The following GOLM2 variants were observed in gnomAD, a reference collection of about 807,000 sequenced individuals.
GOLM2 encodes protein GOLM2.
GOLM2 carries 26 observed loss-of-function variants against 55.9 expected under a neutral mutation model. That is an observed-to-expected ratio of 0.47 (90% CI 0.34 to 0.65). The LOEUF is 0.65. GOLM2 is among the 30% of genes least tolerant of loss of function. The probability of loss-of-function intolerance (pLI) is 0.01; values close to 1 mark genes in which losing one functional copy is unlikely to be tolerated. For synonymous variants in GOLM2, 165 were observed against 194.6 expected (o/e 0.85, Z 1.27); for missense variants, 486 against 531.8 (o/e 0.91, Z 0.85).
chr15:44,329,725 C>A (rs945649252), intron 3 of GOLM2, among the ~76,000 whole-genome samples: 3 of 151,704 alleles, frequency 2.0e-5, no homozygotes, highest in East Asian at 3.9e-4. Flanking sequence ...ATAGTGAGAC[C>A]TCTGTCTCTG....
At chr15:44,356,611 GT>G (rs1400272066) in intron 6 of GOLM2, among the ~76,000 whole-genome samples, 11 of 152,152 alleles carry the variant, frequency 7.2e-5, no homozygotes, top group Non-Finnish European at 1.5e-4. Flanking sequence ...GTACAGATGG[GT>G]TTGCCGGTGA....
intron 6 of GOLM2, among the ~76,000 whole-genome samples, chr15:44,357,179 CA>C (rs577114267): frequency 9.3e-4 from 140 of 150,536 alleles, no homozygotes; most frequent in African/African-American, 3.1e-3. Flanking sequence ...ACCCGCCCCC[CA>C]AAAAAAAGAA....
rs115061708 is a variant in GOLM2 at position 44,402,583 on chromosome 15, G to A, written c.1073-304G>A. 8.0e-3 allele frequency: 2,109 copies of A among 263,668 alleles called. 52 individuals are homozygous for A. Among genetic ancestry groups the A allele is most frequent in the African/African-American group, 0.044 (2,012 of 45,788 alleles). 16.3% of individuals were successfully genotyped at this position (263,668 alleles called of 1,614,324 possible). On this transcript the variant is annotated intron_variant, in intron 8 of 9. Transcript: ENST00000299957. ...ATTTAGTCATACTTATATTAGAGAA[G>A]TCATTGGTTATTAGGAAAACATTCC...
intron 9 of GOLM2, among the ~76,000 whole-genome samples, chr15:44,407,503 T>C (rs2079605401): frequency 6.6e-6 from 1 of 151,794 alleles, no homozygotes; most frequent in African/African-American, 2.4e-5. Context: ...CTTAAACTCC[T>C]GGACTCAAGC....
intron 6 of GOLM2, among the ~76,000 whole-genome samples, chr15:44,369,065 TATTA>T (rs1308381043): frequency 2.9e-5 from 2 of 67,882 alleles, no homozygotes; most frequent in South Asian, 4.8e-4. Context: ...TAATAGGATA[TATTA>T]TATATATATA....
chr15:44,290,392 A>T (rs1184735131), intron 1 of GOLM2, among the ~76,000 whole-genome samples: 1 of 152,194 alleles, frequency 6.6e-6, no homozygotes, highest in African/African-American at 2.4e-5. Context: ...GCATATCAAA[A>T]TCACTTAAGG....
intron 8 of GOLM2, among the ~76,000 whole-genome samples, chr15:44,396,903 G>A (rs1327546985): frequency 6.6e-6 from 1 of 152,058 alleles, no homozygotes; most frequent in African/African-American, 2.4e-5. Context: ...TGGGTGTGTT[G>A]TTTCTTTGTG....
chr15:44,361,240 CT>C (rs1444077144), intron 6 of GOLM2, among the ~76,000 whole-genome samples: 1 of 152,042 alleles, frequency 6.6e-6, no homozygotes, highest in East Asian at 1.9e-4. Context: ...ACAAAAAACC[CT>C]TCAAAAAATT....
At chr15:44,409,951 C>T (rs973715340) in intron 9 of GOLM2, 1 of 151,340 alleles carries the variant, frequency 6.6e-6, no homozygotes, top group East Asian at 1.9e-4. Flanking sequence ...AGTAAAGACA[C>T]CTTTTCCTTT....
intron 6 of GOLM2, among the ~76,000 whole-genome samples, chr15:44,342,379 A>G (rs2079096110): frequency 6.6e-6 from 1 of 151,910 alleles, no homozygotes; most frequent in Non-Finnish European, 1.5e-5. Flanking sequence ...GTACTCCCAC[A>G]TCGGCTCCCG....
intron 8 of GOLM2, among the ~76,000 whole-genome samples, chr15:44,401,923 G>A (rs1420599582): frequency 1.3e-5 from 2 of 149,216 alleles, no homozygotes; most frequent in South Asian, 2.1e-4. Context: ...TCTGCCTCCC[G>A]GGCTCAAGCA....
intron 6 of GOLM2, among the ~76,000 whole-genome samples, chr15:44,369,558 T>G (rs1210776634): frequency 1.3e-5 from 2 of 151,942 alleles, no homozygotes; most frequent in African/African-American, 4.8e-5. Flanking sequence ...GCACAGTGGC[T>G]CACGCCTGTA....
At chr15:44,392,262 C>G (rs2079495705) in intron 8 of GOLM2, among the ~76,000 whole-genome samples, 1 of 152,082 alleles carries the variant, frequency 6.6e-6, no homozygotes, top group Non-Finnish European at 1.5e-5. Context: ...ATAAGTTGGA[C>G]AGCAAAACTA....
chr15:44,345,139 C>T (rs1485952637), intron 6 of GOLM2, among the ~76,000 whole-genome samples: 3 of 150,670 alleles, frequency 2.0e-5, no homozygotes, highest in East Asian at 4.0e-4. Context: ...GATGGAGTTT[C>T]GCTCTTGTAG....
At chr15:44,396,410 T>TACATTTGCTTTCTCATTTA (rs1246969283) in intron 8 of GOLM2, among the ~76,000 whole-genome samples, 13 of 152,200 alleles carry the variant, frequency 8.5e-5, no homozygotes, top group African/African-American at 3.1e-4. Context: ...GAGAAATGGC[T>TACATTTGCTTTCTCATTTA]ACATTTGCTT....
intron 1 of GOLM2, among the ~76,000 whole-genome samples, chr15:44,302,601 C>T (rs1382698870): frequency 6.6e-6 from 1 of 152,018 alleles, no homozygotes; most frequent in Non-Finnish European, 1.5e-5. Flanking sequence ...ATCGAGCTTC[C>T]TGCCTCAGCC....
At chr15:44,315,814 G>T (rs2078905607) in intron 1 of GOLM2, among the ~76,000 whole-genome samples, 1 of 152,146 alleles carries the variant, frequency 6.6e-6, no homozygotes. Flanking sequence ...AGAGGGATAA[G>T]GTAAAGCCTA....
intron 9 of GOLM2, chr15:44,405,480 G>A (rs1455418587): frequency 6.6e-6 from 1 of 152,142 alleles, no homozygotes; most frequent in Non-Finnish European, 1.5e-5. Context: ...TGGGTGAACT[G>A]ACTAAAAAGG....
intron 6 of GOLM2, among the ~76,000 whole-genome samples, chr15:44,351,571 T>C: frequency 8.5e-6 from 1 of 118,076 alleles, no homozygotes; most frequent in African/African-American, 3.4e-5. Context: ...AGCAAGACTC[T>C]GTCTCAAAAA....
Sources: gnomAD v4.1 joint callset for allele counts (sites outside exome capture counted in the v4.1 genomes callset) on GRCh38, gnomAD v4.1.1 for gene constraint, MANE v1.5 for transcripts, NCBI Gene and HGNC (gene_info 2026-07-23, HGNC 2026-07-21) for gene names.